Variants in CPD observed in about 807,000 individuals in gnomAD.
CPD encodes carboxypeptidase D.
Under a neutral mutation model 138.3 loss-of-function variants are expected in CPD, and 69 were observed. That is an observed-to-expected ratio of 0.50 (90% confidence interval 0.41 to 0.61). The LOEUF is 0.61. Ranked by LOEUF, CPD falls within the 20% of genes least tolerant of loss-of-function variation. The pLI is 0.00. For missense variants in CPD, 1,432 were observed against 1,733.3 expected (o/e 0.83, Z 3.09); for synonymous variants, 651 against 642.1 (o/e 1.01, Z -0.21).
chr17:30,397,523 A>G (rs1597709491), intron 2 of CPD, among the ~76,000 whole-genome samples: 1 of 152,092 alleles, frequency 6.6e-6, no homozygotes, highest in East Asian at 1.9e-4. Context: ...AGTTGAGCTG[A>G]GGACTTCAAG....
chr17:30,467,465 G>T lies in CPD; in HGVS notation c.*2651G>T, dbSNP rs943561072. 1 of 152,120 alleles carries T rather than the reference G, an allele frequency of 6.6e-6. No individual in the cohort carries two copies. Among genetic ancestry groups the T allele is most frequent in the African/African-American group, 2.4e-5 (1 of 41,414 alleles). The allele number at this position is 152,120 out of a possible 1,614,324, so 9.4% of individuals were successfully genotyped here. A position where few individuals can be genotyped will look rare whatever the true frequency, so the allele number is the denominator to read the frequency against. On this transcript the variant is annotated 3_prime_UTR_variant, in exon 21 of 21. Coordinates refer to ENST00000225719, the MANE Select transcript of CPD (RefSeq NM_001304.5). ...TTTGATGCATTTTGCTGAACACTTG[G>T]GTAGTGAGTGGGATCCTATCCAGTT...
chr17:30,462,134 T>C, intron 19 of CPD, 72 bp downstream of exon 19: 3 of 1,355,324 alleles, frequency 2.2e-6, no homozygotes, highest in Non-Finnish European at 3.0e-6. Flanking sequence ...ATTTTGAAAC[T>C]CTTGTTAGAA....
intron 2 of CPD, among the ~76,000 whole-genome samples, chr17:30,395,038 T>G (rs1180187059): frequency 1.3e-5 from 2 of 151,658 alleles, no homozygotes; most frequent in Non-Finnish European, 2.9e-5. Flanking sequence ...GGGAGAGAGG[T>G]CAAGATGAGA....
rs1179210043 is a variant in CPD, at chr17:30,449,704, G to C, written c.3025G>C (p.Glu1009Gln). Residue 1009 changes from glutamate to glutamine, a missense_variant, in exon 13 of 21, where the codon GAA (glutamate) becomes CAA (glutamine). Physicochemically the swap from Glu to Gln is conservative, Grantham distance 29. This residue lies in a region of CPD where 366 missense variants were observed against 518.8 expected (regional missense o/e 0.71). Coordinates refer to ENST00000225719, the MANE Select transcript of CPD (RefSeq NM_001304.5). Reference sequence around the variant, plus strand: ...AACTGAACTGCTTTTGGCTCTGGCAGAATTTCTCTGCCTGAACTACAAAAA... The same window carrying C: ...AACTGAACTGCTTTTGGCTCTGGCACAATTTCTCTGCCTGAACTACAAAAA... The part of the protein sequence containing the change: ...VGTELLLALA[E>Q]FLCLNYKKNP... The C allele has an allele frequency of 6.3e-7, 1 of 1,586,796 alleles. No individual in the cohort carries two copies. The highest frequency in any genetic ancestry group is 1.9e-5 in the Admixed American group (1 of 51,504).
chr17:30,452,169 A>G, intron 14 of CPD, among the ~76,000 whole-genome samples: 1 of 152,158 alleles, frequency 6.6e-6, no homozygotes, highest in East Asian at 1.9e-4. Flanking sequence ...ACACGTATGT[A>G]TATTGATTTG....
chr17:30,379,223 C>A lies in CPD; in HGVS notation c.243C>A (p.Arg81=), dbSNP rs893850810. The A allele has an allele frequency of 6.5e-7, 1 of 1,527,414 alleles. No individual in the cohort carries two copies. The highest frequency in any genetic ancestry group is 8.8e-7 in the Non-Finnish European group (1 of 1,142,556). The allele number at this position is 1,527,414 out of a possible 1,614,324, so 94.6% of individuals were successfully genotyped here. ...CCGCGGGCCTCCCCGGCCTGGCCCG[C>A]CTCTTTAGCATCGGCCGCTCGGTGG... is the stretch of plus-strand genomic sequence containing the variant. ...AAAAGLPGLA[R]LFSIGRSVEG... is the part of the protein sequence containing the mutation. Residue 81 remains arginine (R), a synonymous_variant, in exon 1 of 21, where the codon CGC becomes CGA. Transcript: ENST00000225719. The surrounding 1 kb of genome is among the most constrained non-coding windows in gnomAD (Gnocchi z 7.0).
At chr17:30,396,689 A>C (rs576239555) in intron 2 of CPD, among the ~76,000 whole-genome samples, 1 of 152,298 alleles carries the variant, frequency 6.6e-6, no homozygotes, top group African/African-American at 2.4e-5. Context: ...TATCCGTAAC[A>C]ATTAGCATTG....
At position 30,395,250 on chromosome 17, in the gene CPD, G is replaced by A. The variant is rs1219154105; in HGVS notation, c.994+10014G>A. Among the ~76,000 whole-genome samples, 11 of 119,268 alleles carry A rather than the reference G, an allele frequency of 9.2e-5. No homozygotes were observed. In the South Asian group the frequency reaches 3.0e-3, roughly 32 times the overall value. The allele number at this position is 119,268 out of a possible 152,430, so 78.2% of individuals were successfully genotyped here. Reference sequence around the variant, plus strand: ...AAGTGAATGCATTTCGTACTGGGATGTTTTCCTTAAGGAATGCCAACAATT... The same window carrying A: ...AAGTGAATGCATTTCGTACTGGGATATTTTCCTTAAGGAATGCCAACAATT... On this transcript the variant is annotated intron_variant, in intron 2 of 20. Transcript: ENST00000225719.
Position 30,430,755 on chromosome 17 carries a change from G to A in CPD, c.2018-1017G>A, listed in dbSNP as rs150302184. 4.9e-4 allele frequency among the ~76,000 whole-genome samples: 75 copies of A among 152,202 alleles called. 1 individual carries two copies. The highest frequency in any genetic ancestry group is 1.6e-3 in the African/African-American group (67 of 41,536). ...TGCAGCCTCAAACTCCTGAGCTCAG[G>A]CAGTCCTCCCACCTCAGCCTCCCAA... On this transcript the variant is annotated intron_variant, in intron 7 of 20. Transcript: ENST00000225719.
At chr17:30,408,649 A>G (rs1203205342) in intron 2 of CPD, among the ~76,000 whole-genome samples, 3 of 152,144 alleles carry the variant, frequency 2.0e-5, no homozygotes, top group South Asian at 2.1e-4. Context: ...ATTTTTGCAC[A>G]TTGATTTTGT....
chr17:30,456,703 G>A (rs1044873557), intron 17 of CPD, 177 bp downstream of exon 17: 2 of 545,596 alleles, frequency 3.7e-6, no homozygotes, highest in Admixed American at 6.0e-5. Context: ...TTAGCTGGGT[G>A]TGGTGGCAGA....
In CPD at chr17:30,427,548, C is replaced by A; in HGVS notation, c.2007C>A (p.Asn669Lys). The A allele has an allele frequency of 6.2e-7, 1 of 1,613,872 alleles. No homozygotes were observed. Among genetic ancestry groups the A allele is most frequent in the Non-Finnish European group, 8.5e-7 (1 of 1,179,842 alleles). The change falls in exon 7 of 21, where the codon AAC becomes AAA. Residue 669 changes from asparagine (N) to lysine (K), a missense_variant. This residue lies in a region of CPD where 297 missense variants were observed against 405.3 expected (regional missense o/e 0.73). Transcript: ENST00000225719. ...MKSYPFVLSA[N>K]LHGGSLVVNY... is the part of the protein sequence containing the mutation. ...CCTATCCATTTGTACTTTCAGCAAA[C>A]CTGCATGGAGGTATGGCAACTTTAT...
chr17:30,399,337 GT>G (rs1193764403), intron 2 of CPD, among the ~76,000 whole-genome samples: 2 of 152,064 alleles, frequency 1.3e-5, no homozygotes, highest in African/African-American at 4.8e-5. Flanking sequence ...GATCTAGTTA[GT>G]TGATAGTATT....
At chr17:30,380,028 G>A (rs1264890101) in intron 1 of CPD, among the ~76,000 whole-genome samples, 5 of 152,206 alleles carry the variant, frequency 3.3e-5, no homozygotes, top group Non-Finnish European at 7.3e-5. Context: ...AGATCTTAAG[G>A]ATAACCTAGG....
intron 14 of CPD, chr17:30,454,658 A>G (rs1158042159): frequency 2.0e-5 from 3 of 152,800 alleles, no homozygotes; most frequent in South Asian, 2.1e-4. Flanking sequence ...ATTGGTACCA[A>G]TTTACTGTAT....
rs1209865015 is a variant in CPD at position 30,465,264 on chromosome 17, T to C, written c.*450T>C. 6.2e-6 allele frequency: 1 copy of C among 162,508 alleles called. No individual in the cohort carries two copies. The highest frequency in any genetic ancestry group is 1.3e-5 in the Non-Finnish European group (1 of 74,278). The allele number at this position is 162,508 out of a possible 1,614,324, so 10.1% of individuals were successfully genotyped here. A position where few individuals can be genotyped will look rare whatever the true frequency, so the allele number is the denominator to read the frequency against. On this transcript the variant is annotated 3_prime_UTR_variant, in exon 21 of 21. Transcript: ENST00000225719. ...AAAACTCAAGGTTTTTTCAACCTAC[T>C]GAGGAGTACTTTTCTCTAGTTGTTA...
In CPD at chr17:30,455,415, C is replaced by T. The variant is rs1200296587; in HGVS notation, c.3282C>T (p.Ala1094=). 5.0e-6 allele frequency: 8 copies of T among 1,613,790 alleles called. No homozygotes were observed. The highest frequency in any genetic ancestry group is 6.8e-6 in the Non-Finnish European group (8 of 1,179,846). ...AACAGGACTTTAGTCTTTCTGTTGC[C>T]TTAGATGGTGGTTCCATGCTGGTCA... The part of the protein sequence containing the change: ...IQKQDFSLSV[A]LDGGSMLVTY... Residue 1094 remains alanine (A), a synonymous_variant, in exon 15 of 21, where the codon GCC becomes GCT. Transcript: ENST00000225719.
Position 30,468,517 on chromosome 17 carries a change from C to T in CPD, c.*3703C>T, listed in dbSNP as rs1487491637. The T allele has an allele frequency of 1.3e-5, 2 of 152,666 alleles. No individual in the cohort carries two copies. Among genetic ancestry groups the T allele is most frequent in the Admixed American group, 1.3e-4 (2 of 15,282 alleles). The allele number at this position is 152,666 out of a possible 1,614,324, so 9.5% of individuals were successfully genotyped here. The stretch of plus-strand genomic sequence containing the variant: ...TTCAGTCTTTGGTTTATTTCATGCA[C>T]TGTGCCTTCAAAATGAAATTTTTAA... On this transcript the variant is annotated 3_prime_UTR_variant, in exon 21 of 21. Coordinates refer to ENST00000225719, the MANE Select transcript of CPD (RefSeq NM_001304.5).
chr17:30,399,691 A>G (rs1433779575), intron 2 of CPD, among the ~76,000 whole-genome samples: 2 of 152,020 alleles, frequency 1.3e-5, no homozygotes, highest in African/African-American at 2.4e-5. Context: ...ATACCATTAT[A>G]TTTAAAGTGA....
Sources: gnomAD v4.1 joint callset for allele counts (sites outside exome capture counted in the v4.1 genomes callset) on GRCh38, gnomAD v4.1.1 for gene constraint, gnomAD v4.1.1 regional missense constraint, Gnocchi (gnomAD v3.1) non-coding constraint, MANE v1.5 for transcripts, NCBI Gene and HGNC (gene_info 2026-07-23, HGNC 2026-07-21) for gene names.